CEP128: variants seen among roughly 807,000 people sequenced by gnomAD.
CEP128 encodes the protein centrosomal protein 128.
Under a neutral mutation model 156.7 loss-of-function variants are expected in CEP128, and 132 were observed. The ratio of observed to expected loss-of-function variants is 0.84; its 90% CI spans 0.73 to 0.97. The LOEUF is 0.97. CEP128 is among the 50% of genes least tolerant of loss of function. CEP128 has a pLI of 0.00. For missense variants in CEP128, 1,252 were observed against 1,281.9 expected (o/e 0.98, Z 0.36); for synonymous variants, 469 against 448.9 (o/e 1.04, Z -0.57).
intron 20 of CEP128, among the ~76,000 whole-genome samples, chr14:80,565,009 A>G (rs1890852231): frequency 6.6e-6 from 1 of 152,180 alleles, no homozygotes. Context: ...CAGTGAGTCG[A>G]GATCACACCA....
chr14:80,937,739 C>T (rs1885893596), intron 2 of CEP128, among the ~76,000 whole-genome samples: 1 of 152,016 alleles, frequency 6.6e-6, no homozygotes, highest in African/African-American at 2.4e-5. Context: ...TCAGAATCAA[C>T]CCAGAGACAT....
intron 19 of CEP128, among the ~76,000 whole-genome samples, chr14:80,731,893 G>A (rs1898288917): frequency 6.6e-6 from 1 of 152,114 alleles, no homozygotes; most frequent in East Asian, 1.9e-4. Flanking sequence ...TTTTGAAGAA[G>A]CAGAAATAAG....
intron 19 of CEP128, among the ~76,000 whole-genome samples, chr14:80,725,010 T>TAC (rs1897963746): frequency 6.9e-6 from 1 of 145,402 alleles, no homozygotes; most frequent in Admixed American, 6.9e-5. Flanking sequence ...TATATATATA[T>TAC]ACATATATGA....
chr14:80,668,439 T>C (rs1481568560), intron 19 of CEP128, among the ~76,000 whole-genome samples: 1 of 152,176 alleles, frequency 6.6e-6, no homozygotes, highest in Non-Finnish European at 1.5e-5. Flanking sequence ...TCACAAATTC[T>C]TGGCTGAAGA....
At chr14:80,642,273 G>C (rs557857529) in intron 19 of CEP128, among the ~76,000 whole-genome samples, 1 of 152,216 alleles carries the variant, frequency 6.6e-6, no homozygotes, top group Admixed American at 6.5e-5. Context: ...ATCAAGTTTT[G>C]TCCATTAATA....
intron 13 of CEP128, among the ~76,000 whole-genome samples, chr14:80,804,122 T>A (rs1242727903): frequency 6.6e-6 from 1 of 151,458 alleles, no homozygotes; most frequent in African/African-American, 2.4e-5. Flanking sequence ...AATTTTAAAA[T>A]TTTAATCATT....
chr14:80,913,731 G>A (rs374210948), intron 4 of CEP128, among the ~76,000 whole-genome samples: 3 of 152,130 alleles, frequency 2.0e-5, no homozygotes, highest in East Asian at 1.9e-4. Flanking sequence ...GGACGCAAAG[G>A]TATACAGAGT....
chr14:80,621,292 A>G (rs1893468352), intron 19 of CEP128, among the ~76,000 whole-genome samples: 1 of 152,190 alleles, frequency 6.6e-6, no homozygotes, highest in East Asian at 1.9e-4. Context: ...AGAACAGGCT[A>G]AATTAGTCAG....
chr14:80,871,939 A>AACAAT (rs1888049770), intron 8 of CEP128, among the ~76,000 whole-genome samples: 1 of 152,168 alleles, frequency 6.6e-6, no homozygotes, highest in African/African-American at 2.4e-5. Context: ...TCAGATCTTT[A>AACAAT]ACAATACCTG....
intron 12 of CEP128, among the ~76,000 whole-genome samples, chr14:80,832,433 T>C (rs764637620): frequency 1.1e-4 from 17 of 152,134 alleles, no homozygotes; most frequent in Non-Finnish European, 1.2e-4. Context: ...ACTAACAAAT[T>C]AAATTTATAC....
intron 16 of CEP128, among the ~76,000 whole-genome samples, chr14:80,770,193 T>G (rs1257641881): frequency 6.6e-6 from 1 of 152,248 alleles, no homozygotes; most frequent in Non-Finnish European, 1.5e-5. Flanking sequence ...TGGGTACAAC[T>G]GGTAAACTTT....
intron 24 of CEP128, among the ~76,000 whole-genome samples, chr14:80,498,474 C>T (rs1013249572): frequency 3.9e-5 from 6 of 152,202 alleles, no homozygotes; most frequent in Non-Finnish European, 7.3e-5. Flanking sequence ...ACTGTGGCTG[C>T]ACCCTCTCAC....
At chr14:80,873,412 A>G (rs887975520) in intron 8 of CEP128, among the ~76,000 whole-genome samples, 1 of 152,252 alleles carries the variant, frequency 6.6e-6, no homozygotes, top group African/African-American at 2.4e-5. Context: ...TTTATTTGCT[A>G]TGTGAAAGAA....
chr14:80,656,270 AG>A (rs1895131514), intron 19 of CEP128, among the ~76,000 whole-genome samples: 1 of 97,334 alleles, frequency 1.0e-5, no homozygotes, highest in Non-Finnish European at 2.0e-5. Flanking sequence ...AATAAACCTA[AG>A]TTTTTATTTA....
At chr14:80,709,146 G>GTT (rs200445461) in intron 19 of CEP128, among the ~76,000 whole-genome samples, 1 of 146,760 alleles carries the variant, frequency 6.8e-6, no homozygotes. Context: ...TAGGGTTTTT[G>GTT]TTTTTTTTTT....
chr14:80,955,678 A>G, intron 2 of CEP128: 2 of 1,613,890 alleles, frequency 1.2e-6, no homozygotes, highest in Non-Finnish European at 1.7e-6. Context: ...AGTCCCGTGG[A>G]AAATGAGGCC....
At chr14:80,854,902 C>T (rs184212439) in intron 9 of CEP128, among the ~76,000 whole-genome samples, 3 of 151,916 alleles carry the variant, frequency 2.0e-5, no homozygotes, top group Admixed American at 1.3e-4. Flanking sequence ...TATCAAGAAT[C>T]AGTAACATAA....
At chr14:80,763,334 CA>C (rs1900063402) in intron 16 of CEP128, among the ~76,000 whole-genome samples, 2 of 152,118 alleles carry the variant, frequency 1.3e-5, no homozygotes, top group South Asian at 4.1e-4. Context: ...CTCTCCCTAC[CA>C]ATTAATACAT....
intron 19 of CEP128, among the ~76,000 whole-genome samples, chr14:80,616,009 A>G (rs1893196538): frequency 6.6e-6 from 1 of 152,246 alleles, no homozygotes; most frequent in South Asian, 2.1e-4. Context: ...AAATACAGAA[A>G]GACTATCTAA....
Sources: allele counts gnomAD v4.1 joint callset (sites outside exome capture counted in the v4.1 genomes callset), GRCh38; gene constraint gnomAD v4.1.1; transcripts MANE v1.5; gene names NCBI Gene and HGNC (gene_info 2026-07-23, HGNC 2026-07-21).